The following AUTS2 variants were observed in gnomAD, a reference collection of about 807,000 sequenced individuals.
AUTS2 encodes the protein autism susceptibility gene 2 protein.
Under a neutral mutation model 112.4 loss-of-function variants are expected in AUTS2, and 17 were observed. That is an observed-to-expected ratio of 0.15 (90% CI 0.10 to 0.23). The LOEUF (loss-of-function observed/expected upper bound fraction) is 0.23, where lower values mean the gene tolerates loss of function less well. Ranked by LOEUF, AUTS2 falls within the 10% of genes least tolerant of loss-of-function variation. AUTS2 has a pLI of 1.00. For synonymous variants in AUTS2, 751 were observed against 702.7 expected (o/e 1.07, Z -1.09); for missense variants, 1,510 against 1,701.6 (o/e 0.89, Z 1.98).
At chr7:69,634,065 A>G (rs1794402238) in intron 1 of AUTS2, among the ~76,000 whole-genome samples, 1 of 151,318 alleles carries the variant, frequency 6.6e-6, no homozygotes, top group Non-Finnish European at 1.5e-5. Context: ...TAGGAGTTTT[A>G]TTGTTTCTCG....
At chr7:70,152,323 CATATT>C (rs1807486201) in intron 4 of AUTS2, among the ~76,000 whole-genome samples, 1 of 151,800 alleles carries the variant, frequency 6.6e-6, no homozygotes, top group Non-Finnish European at 1.5e-5. Flanking sequence ...TACACCAACA[CATATT>C]ATAATCAGAT....
intron 6 of AUTS2, among the ~76,000 whole-genome samples, chr7:70,760,202 T>C (rs1789477167): frequency 6.6e-6 from 1 of 152,186 alleles, no homozygotes; most frequent in African/African-American, 2.4e-5. Context: ...AGGCAGGGTT[T>C]CACCGTGTTA....
At chr7:69,722,172 G>A (rs942338228) in intron 1 of AUTS2, among the ~76,000 whole-genome samples, 4 of 151,174 alleles carry the variant, frequency 2.6e-5, no homozygotes, top group Non-Finnish European at 5.9e-5. Context: ...AAAATAAAAA[G>A]CAATTCTGTT....
chr7:70,486,090 CA>C (rs755856562), intron 5 of AUTS2, among the ~76,000 whole-genome samples: 1 of 152,156 alleles, frequency 6.6e-6, no homozygotes, highest in Non-Finnish European at 1.5e-5. Flanking sequence ...GGGTTGATGA[CA>C]TTAGGAAAAA....
intron 6 of AUTS2, among the ~76,000 whole-genome samples, chr7:70,727,204 C>T (rs571992423): frequency 2.0e-5 from 3 of 152,310 alleles, no homozygotes; most frequent in East Asian, 1.9e-4. Flanking sequence ...CAATTCCCTC[C>T]AGGCCAGCGT....
At chr7:70,122,572 C>A (rs769612982) in intron 3 of AUTS2, among the ~76,000 whole-genome samples, 4 of 152,040 alleles carry the variant, frequency 2.6e-5, no homozygotes, top group Non-Finnish European at 5.9e-5. Flanking sequence ...AAAATCCTGT[C>A]AGTCTTATGT....
At chr7:70,424,950 C>T (rs1381127784) in intron 4 of AUTS2, among the ~76,000 whole-genome samples, 1 of 152,196 alleles carries the variant, frequency 6.6e-6, no homozygotes, top group Non-Finnish European at 1.5e-5. Context: ...ACATGCTCTG[C>T]CGTTGTTCCT....
intron 5 of AUTS2, among the ~76,000 whole-genome samples, chr7:70,662,342 A>G (rs1392670133): frequency 3.9e-5 from 6 of 152,234 alleles, no homozygotes; most frequent in Non-Finnish European, 8.8e-5. Context: ...GAGCCAAGCT[A>G]TGGACATGGG....
chr7:70,440,880 G>C (rs12113216), intron 5 of AUTS2, among the ~76,000 whole-genome samples: 45 of 152,238 alleles, frequency 3.0e-4, no homozygotes, highest in Non-Finnish European at 2.8e-4. Flanking sequence ...AGATGTTCTG[G>C]GGTAGGGCCA....
chr7:69,803,033 C>T (rs1790151373), intron 1 of AUTS2, among the ~76,000 whole-genome samples: 1 of 152,092 alleles, frequency 6.6e-6, no homozygotes, highest in South Asian at 2.1e-4. Flanking sequence ...TGTCGTTGTC[C>T]ACATGACAGT....
At chr7:70,268,982 G>A (rs1283459700) in intron 4 of AUTS2, among the ~76,000 whole-genome samples, 1 of 152,182 alleles carries the variant, frequency 6.6e-6, no homozygotes, top group Non-Finnish European at 1.5e-5. Context: ...ACTTGAAAAT[G>A]TTAGAATGAA....
At chr7:70,777,030 A>G (rs923049700) in intron 13 of AUTS2, 73 bp from the exon 14 acceptor site, 22 of 1,475,208 alleles carry the variant, frequency 1.5e-5, no homozygotes, top group Non-Finnish European at 2.0e-5. Flanking sequence ...ATCTGCTGAA[A>G]GCTTTGGGGA....
intron 2 of AUTS2, among the ~76,000 whole-genome samples, chr7:70,024,001 G>A (rs1006622445): frequency 6.6e-6 from 1 of 152,166 alleles, no homozygotes; most frequent in African/African-American, 2.4e-5. Context: ...GCACACAGCA[G>A]GTCCACAAGG....
intron 1 of AUTS2, among the ~76,000 whole-genome samples, chr7:69,611,580 A>G (rs1256004626): frequency 2.6e-5 from 4 of 152,244 alleles, no homozygotes; most frequent in Non-Finnish European, 5.9e-5. Flanking sequence ...ATCTGAAAGC[A>G]TTAAAATCTG....
Position 70,748,123 on chromosome 7 carries a change from T to C in AUTS2, c.743-14747T>C, listed in dbSNP as rs376205209. Among the ~76,000 whole-genome samples, 40 of 151,686 alleles carry C rather than the reference T, an allele frequency of 2.6e-4. 1 individual carries two copies. In the South Asian group the frequency reaches 7.7e-3, roughly 29 times the overall value. On this transcript the variant is annotated intron_variant, in intron 6 of 18. Transcript: ENST00000342771. ...GATTACAGGCATGAGCCACCGCGCC[T>C]GGCCCAGAGAGCTCATTTCTAACAA...
intron 3 of AUTS2, among the ~76,000 whole-genome samples, chr7:70,131,911 C>T (rs1806292940): frequency 6.6e-6 from 1 of 151,686 alleles, no homozygotes; most frequent in South Asian, 2.1e-4. Flanking sequence ...AGGCCGTAGT[C>T]AGAATCTTGG....
intron 4 of AUTS2, among the ~76,000 whole-genome samples, chr7:70,423,753 T>TG (rs1337423206): frequency 4.6e-5 from 7 of 152,332 alleles, no homozygotes; most frequent in Non-Finnish European, 7.3e-5. Flanking sequence ...ATTCTTCTTG[T>TG]TGCTCACTTC....
intron 4 of AUTS2, among the ~76,000 whole-genome samples, chr7:70,208,730 G>A (rs1347759953): frequency 6.6e-6 from 1 of 151,926 alleles, no homozygotes; most frequent in Non-Finnish European, 1.5e-5. Flanking sequence ...TGGTGAGGAT[G>A]TGAGTTAAGG....
chr7:70,574,768 GT>G lies in AUTS2; in HGVS notation c.691-123797del, dbSNP rs199962989. The stretch of plus-strand genomic sequence containing the variant: ...GGCCCAATTTGAACAGGACTGCTTT[GT>G]TTTAGCTGGACCTAGAGGTTTAAAT... On this transcript the variant is annotated intron_variant, in intron 5 of 18. Coordinates refer to ENST00000342771, the MANE Select transcript of AUTS2 (RefSeq NM_015570.4). Among the ~76,000 whole-genome samples the G allele has an allele frequency of 6.2e-3, 947 of 152,268 alleles. 8 individuals carry two copies. The highest frequency in any genetic ancestry group is 0.021 in the African/African-American group (868 of 41,544).
Sources: gnomAD v4.1 joint callset for allele counts (sites outside exome capture counted in the v4.1 genomes callset) on GRCh38, gnomAD v4.1.1 for gene constraint, MANE v1.5 for transcripts, NCBI Gene and HGNC (gene_info 2026-07-23, HGNC 2026-07-21) for gene names.